Variants in ZNF277 observed in about 807,000 individuals in gnomAD.
ZNF277 encodes zinc finger protein 277.
Under a neutral mutation model 60.7 loss-of-function variants are expected in ZNF277, and 55 were observed. The observed-to-expected ratio is 0.91, with a 90% CI of 0.73 to 1.13. ZNF277 has a LOEUF of 1.13. Ranked by LOEUF, ZNF277 falls within the 50% of genes most tolerant of loss-of-function variation. ZNF277 has a pLI of 0.00. For synonymous variants in ZNF277, 178 were observed against 179.3 expected (o/e 0.99, Z 0.06); for missense variants, 510 against 523.0 (o/e 0.98, Z 0.24).
chr7:112,257,376 T>C (rs1293217975), intron 1 of ZNF277, among the ~76,000 whole-genome samples: 2 of 152,196 alleles, frequency 1.3e-5, no homozygotes, highest in Non-Finnish European at 2.9e-5. Context: ...AAATAGACTT[T>C]AGCAGTATTT....
intron 1 of ZNF277, among the ~76,000 whole-genome samples, chr7:112,237,260 C>T (rs1790821070): frequency 6.6e-6 from 1 of 151,966 alleles, no homozygotes; most frequent in Non-Finnish European, 1.5e-5. Context: ...CATTAAATGC[C>T]TACATCAAAA....
At chr7:112,285,972 C>G (rs1792054626) in intron 1 of ZNF277, among the ~76,000 whole-genome samples, 1 of 152,136 alleles carries the variant, frequency 6.6e-6, no homozygotes, top group East Asian at 1.9e-4. Context: ...AGGCCTTACC[C>G]TAGTTTCTTT....
At chr7:112,334,402 CTTTT>C (rs534868007) in intron 7 of ZNF277, among the ~76,000 whole-genome samples, 7 of 121,124 alleles carry the variant, frequency 5.8e-5, no homozygotes, top group African/African-American at 3.0e-5. Context: ...GAGTTATGTG[CTTTT>C]TTTTTTTTTT....
intron 4 of ZNF277, among the ~76,000 whole-genome samples, chr7:112,296,921 T>A (rs1349938838): frequency 0.079 from 5,688 of 72,354 alleles, 480 homozygotes; most frequent in African/African-American, 0.21. Flanking sequence ...TATTTTTTTT[T>A]TTTTTTTTTT....
chr7:112,298,489 T>A (rs549699194), intron 4 of ZNF277, among the ~76,000 whole-genome samples: 20 of 152,268 alleles, frequency 1.3e-4, no homozygotes, highest in Non-Finnish European at 2.4e-4. Context: ...GAGATAAATT[T>A]GAAGAGGTAA....
At chr7:112,220,437 T>A in intron 1 of ZNF277, among the ~76,000 whole-genome samples, 1 of 152,170 alleles carries the variant, frequency 6.6e-6, no homozygotes, top group South Asian at 2.1e-4. Flanking sequence ...TGGTAGAGTC[T>A]TTAGGGTTTT....
rs2117090427 is a variant in ZNF277, at chr7:112,304,569, T to C, written c.465+8258T>C. Among the ~76,000 whole-genome samples the C allele has an allele frequency of 1.3e-5, 2 of 152,298 alleles. 1 individual carries two copies. Among genetic ancestry groups the C allele is most frequent in the South Asian group, 4.1e-4 (2 of 4,828 alleles). On this transcript the variant is annotated intron_variant, in intron 4 of 11. Transcript: ENST00000361822. The stretch of plus-strand genomic sequence containing the variant: ...CCATTTTACTTTATTAACCAAACTT[T>C]TAATCCTTAAGTTAGTGGAAATTTA...
intron 1 of ZNF277, among the ~76,000 whole-genome samples, chr7:112,263,381 T>G (rs1308872997): frequency 6.6e-6 from 1 of 152,130 alleles, no homozygotes; most frequent in Non-Finnish European, 1.5e-5. Context: ...TTGGGATGAG[T>G]TTAAAACTGT....
At chr7:112,213,973 A>G (rs933820685) in intron 1 of ZNF277, among the ~76,000 whole-genome samples, 2 of 152,194 alleles carry the variant, frequency 1.3e-5, no homozygotes, top group Non-Finnish European at 2.9e-5. Flanking sequence ...TGTGACTGTT[A>G]TTTCAGTCAT....
chr7:112,312,891 C>T (rs560379179), intron 4 of ZNF277, among the ~76,000 whole-genome samples: 2 of 152,036 alleles, frequency 1.3e-5, no homozygotes, highest in South Asian at 4.1e-4. Context: ...GAATTGATTA[C>T]AATACAATAA....
At chr7:112,330,548 CT>C (rs1171213748) in intron 7 of ZNF277, 2,928 of 108,124 alleles carry the variant, frequency 0.027, 37 homozygotes, top group African/African-American at 0.092. Flanking sequence ...AGACTCCTTT[CT>C]TTTTTTTTTT....
chr7:112,249,667 A>T (rs1179267577), intron 1 of ZNF277, among the ~76,000 whole-genome samples: 1 of 152,176 alleles, frequency 6.6e-6, no homozygotes, highest in Non-Finnish European at 1.5e-5. Context: ...AAGAACGTAG[A>T]TTGTGAAGAT....
Position 112,342,645 on chromosome 7 carries a change from T to C in ZNF277, c.1269T>C (p.Asn423=). Residue 423 remains asparagine (N), a synonymous_variant, in exon 12 of 12, where the codon AAT becomes AAC. Transcript: ENST00000361822. ...SESDLTAQEQ[N]ENVPIISEDT... Reference sequence around the variant, plus strand: ...GTGACCTGACAGCTCAGGAACAAAATGAAAATGTTCCCATCATCAGTGAAG... The same window carrying C: ...GTGACCTGACAGCTCAGGAACAAAACGAAAATGTTCCCATCATCAGTGAAG... 6.2e-7 allele frequency: 1 copy of C among 1,612,980 alleles called. No individual in the cohort carries two copies. The highest frequency in any genetic ancestry group is 8.5e-7 in the Non-Finnish European group (1 of 1,179,856).
In ZNF277 at chr7:112,340,771, AG is replaced by A. The variant is rs1281963585; in HGVS notation, c.1010-99del. The A allele has an allele frequency of 3.1e-6, 3 of 955,254 alleles. No individual in the cohort carries two copies. The African/African-American group carries it at 5.0e-5, about 16-fold the overall frequency. 59.2% of individuals were successfully genotyped at this position (955,254 alleles called of 1,614,324 possible). A position where few individuals can be genotyped will look rare whatever the true frequency, so the allele number is the denominator to read the frequency against. The stretch of plus-strand genomic sequence containing the variant: ...TGCTTTATAATTGTACTGCCTCTTC[AG>A]GTTGATTAATAAAAATAAGTGGCTC... On this transcript the variant is annotated intron_variant, in intron 10 of 11. Transcript: ENST00000361822.
intron 4 of ZNF277, among the ~76,000 whole-genome samples, chr7:112,313,688 A>G (rs1792781402): frequency 6.6e-6 from 1 of 152,160 alleles, no homozygotes; most frequent in African/African-American, 2.4e-5. Context: ...GGAATAGTTT[A>G]CATATGTAGT....
chr7:112,213,357 T>G (rs1353102330), intron 1 of ZNF277, among the ~76,000 whole-genome samples: 5 of 152,216 alleles, frequency 3.3e-5, no homozygotes, highest in Non-Finnish European at 5.9e-5. Context: ...GAAAATGGAC[T>G]AATACATTTT....
chr7:112,285,845 G>A (rs1250813560), intron 1 of ZNF277, among the ~76,000 whole-genome samples: 2 of 152,110 alleles, frequency 1.3e-5, no homozygotes, highest in African/African-American at 2.4e-5. Context: ...AAACTTTAAC[G>A]GGAGAACTAA....
intron 1 of ZNF277, among the ~76,000 whole-genome samples, chr7:112,242,921 A>T (rs1358079909): frequency 6.6e-6 from 1 of 151,920 alleles, no homozygotes; most frequent in Non-Finnish European, 1.5e-5. Flanking sequence ...TCAAATTATA[A>T]TGCAAGGCTA....
rs367747308 is a variant in ZNF277 at position 112,278,675 on chromosome 7, T to C, written c.92-8198T>C. On this transcript the variant is annotated intron_variant, in intron 1 of 11. Coordinates refer to ENST00000361822, the MANE Select transcript of ZNF277 (RefSeq NM_021994.3). ...AAATAACTTGGTCAGGGTTGGTTAA[T>C]GGGAAGTAATGGGACCATAATTCCT... is the stretch of plus-strand genomic sequence containing the variant. 6.0e-4 allele frequency among the ~76,000 whole-genome samples: 92 copies of C among 152,292 alleles called. 1 individual carries two copies. The South Asian group carries it at 0.015, about 25-fold the overall frequency.
Sources: gnomAD v4.1 joint callset for allele counts (sites outside exome capture counted in the v4.1 genomes callset) on GRCh38, gnomAD v4.1.1 for gene constraint, MANE v1.5 for transcripts, NCBI Gene and HGNC (gene_info 2026-07-23, HGNC 2026-07-21) for gene names.